Variants in MYO9B observed in about 807,000 individuals in gnomAD.
The protein encoded by MYO9B is myosin IXB, also known as unconventional myosin-IXb.
In MYO9B, 71 loss-of-function variants were observed where a neutral mutation model predicts 229.5. The ratio of observed to expected loss-of-function variants is 0.31; its 90% CI spans 0.26 to 0.38. The LOEUF (loss-of-function observed/expected upper bound fraction) is 0.38. Ranked by LOEUF, MYO9B falls within the 10% of genes least tolerant of loss-of-function variation. MYO9B has a pLI of 1.00. For missense variants in MYO9B, 2,255 were observed against 2,920.5 expected (o/e 0.77, Z 5.25); for synonymous variants, 1,185 against 1,235.8 (o/e 0.96, Z 0.86).
At chr19:17,092,382 G>T (rs796150474) in intron 1 of MYO9B, among the ~76,000 whole-genome samples, 33 of 152,360 alleles carry the variant, frequency 2.2e-4, no homozygotes, top group African/African-American at 7.9e-4. Context: ...ATGTATGTAG[G>T]CATGAACATG....
At chr19:17,196,693 A>G (rs2073046870) in intron 22 of MYO9B, among the ~76,000 whole-genome samples, 1 of 152,052 alleles carries the variant, frequency 6.6e-6, no homozygotes, top group Admixed American at 6.6e-5. Flanking sequence ...CAAAAAAAAA[A>G]AAAAAGTAGA....
intron 6 of MYO9B, 22 bp downstream of exon 6, chr19:17,154,437 G>T (rs368921305): frequency 1.8e-5 from 29 of 1,591,498 alleles, no homozygotes; most frequent in South Asian, 4.4e-5. Flanking sequence ...GGCTCCCGGG[G>T]CCTGTCCCCC....
intron 17 of MYO9B, among the ~76,000 whole-genome samples, chr19:17,185,477 C>A (rs1440419440): frequency 6.7e-6 from 1 of 149,742 alleles, no homozygotes; most frequent in Non-Finnish European, 1.5e-5. Context: ...ACCTGGGAGG[C>A]GGAGGCTGTA....
chr19:17,106,616 G>A (rs552360167), intron 2 of MYO9B, among the ~76,000 whole-genome samples: 9 of 152,328 alleles, frequency 5.9e-5, no homozygotes, highest in African/African-American at 1.7e-4. Flanking sequence ...ATCCACACCC[G>A]AGATAAAACA....
intron 1 of MYO9B, among the ~76,000 whole-genome samples, chr19:17,099,753 GCTTGCAGTGAGCCAAGATAGCGCCA>G (rs1279078758): frequency 2.0e-5 from 3 of 150,446 alleles, no homozygotes; most frequent in Non-Finnish European, 2.9e-5. Context: ...GGGAGGCGGA[GCTTGCAGTGAGCCAAGATAGCGCCA>G]CTGCAGTCCG....
rs138196320 is a variant in MYO9B, at chr19:17,100,193, G to A, written c.-58-1467G>A. On this transcript the variant is annotated intron_variant, in intron 1 of 39. Transcript: ENST00000682292. ...ATAAGAAACCTGCACTTGTAGGCCA[G>A]GCGTGGTGGCTCACCCCTCTAATCC... 1.5e-4 allele frequency among the ~76,000 whole-genome samples: 22 copies of A among 151,656 alleles called. No individual in the cohort carries two copies. The East Asian group carries it at 4.3e-3, about 29-fold the overall frequency.
chr19:17,175,623 G>A (rs762494060), intron 13 of MYO9B, 40 bp from the exon 14 acceptor site: 1 of 1,475,038 alleles, frequency 6.8e-7, no homozygotes, highest in Admixed American at 2.4e-5. Flanking sequence ...GCCTCCATAG[G>A]AGGCCATCCC....
intron 30 of MYO9B, among the ~76,000 whole-genome samples, chr19:17,204,013 C>T (rs2073135067): frequency 6.6e-6 from 1 of 152,074 alleles, no homozygotes; most frequent in African/African-American, 2.4e-5. Flanking sequence ...CTCCAGAGGC[C>T]CAGCAGGGTC....
intron 8 of MYO9B, among the ~76,000 whole-genome samples, chr19:17,161,389 A>G (rs2072600395): frequency 6.6e-6 from 1 of 152,068 alleles, no homozygotes; most frequent in Non-Finnish European, 1.5e-5. Flanking sequence ...GTTGACAGAG[A>G]CCACCTTGGC....
intron 33 of MYO9B, 50 bp from the exon 34 acceptor site, chr19:17,206,629 C>A: frequency 6.7e-7 from 1 of 1,483,316 alleles, no homozygotes; most frequent in Non-Finnish European, 9.2e-7. Context: ...GGACAACAGG[C>A]ACCTTGGGGA....
chr19:17,165,576 A>C (rs1369518083), intron 10 of MYO9B, among the ~76,000 whole-genome samples: 4 of 143,310 alleles, frequency 2.8e-5, no homozygotes, highest in African/African-American at 1.0e-4. Context: ...CCCTGTCTCT[A>C]AAAAAAAAAA....
chr19:17,140,592 G>A (rs951960350), intron 2 of MYO9B, among the ~76,000 whole-genome samples: 1 of 151,668 alleles, frequency 6.6e-6, no homozygotes, highest in Admixed American at 6.6e-5. Context: ...GGGTTCAAGC[G>A]CTTCTCCTGC....
At chr19:17,167,636 C>A (rs1021047872) in intron 10 of MYO9B, among the ~76,000 whole-genome samples, 1 of 151,808 alleles carries the variant, frequency 6.6e-6, no homozygotes, top group African/African-American at 2.4e-5. Flanking sequence ...TGTGCAACCA[C>A]GCCTGGCTAA....
In MYO9B at chr19:17,197,796, A is replaced by G; in HGVS notation, c.4051A>G (p.Arg1351Gly). The change falls in exon 23 of 40, where the codon AGG (arginine) becomes GGG (glycine). Residue 1351 changes from arginine to glycine, a missense_variant. Physicochemically the swap from Arg to Gly is moderately radical, Grantham distance 125 (BLOSUM62 -2). This residue lies in a region of MYO9B where 679 missense variants were observed against 770.2 expected (regional missense o/e 0.88). Transcript: ENST00000682292. ...TGAALTPTEERRTSFSTSDVS... is the reference protein window; with the variant it reads ...TGAALTPTEEGRTSFSTSDVS... ...CATGTTTCTGTGATCTCGCAGGGAG[A>G]GGCGCACCTCCTTCTCCACGAGCGA... 6.2e-7 allele frequency: 1 copy of G among 1,613,684 alleles called. No individual in the cohort carries two copies. Among genetic ancestry groups the G allele is most frequent in the East Asian group, 2.2e-5 (1 of 44,876 alleles).
intron 1 of MYO9B, among the ~76,000 whole-genome samples, chr19:17,079,505 C>T (rs1374991097): frequency 6.6e-6 from 1 of 152,186 alleles, no homozygotes; most frequent in African/African-American, 2.4e-5. Context: ...GATTCTCTCC[C>T]AAGAGCTACT....
chr19:17,175,824 C>CTT (rs534528766), intron 14 of MYO9B, 83 bp downstream of exon 14: 2,137 of 495,980 alleles, frequency 4.3e-3, no homozygotes, highest in South Asian at 8.2e-3. Context: ...ATGCTACATT[C>CTT]TTTTTTTTTT....
chr19:17,134,393 T>G lies in MYO9B; in HGVS notation c.841-11004T>G, dbSNP rs1409481123. Among the ~76,000 whole-genome samples the G allele has an allele frequency of 2.7e-3, 324 of 119,578 alleles. 6 individuals are homozygous for G. The highest frequency in any genetic ancestry group is 9.2e-3 in the African/African-American group (294 of 32,062). The allele number at this position is 119,578 out of a possible 152,430, so 78.4% of individuals were successfully genotyped here. A position where few individuals can be genotyped will look rare whatever the true frequency, so the allele number is the denominator to read the frequency against. On this transcript the variant is annotated intron_variant, in intron 2 of 39. Coordinates refer to ENST00000682292, the MANE Select transcript of MYO9B (RefSeq NM_004145.4). ...TTTCGTTTTGTTTGTTTTTTTTTTT[T>G]TTTTTTTTTTTTTTTTGAGACAGAC...
intron 2 of MYO9B, among the ~76,000 whole-genome samples, chr19:17,134,512 C>T (rs1181501426): frequency 6.7e-6 from 1 of 149,756 alleles, no homozygotes; most frequent in Non-Finnish European, 1.5e-5. Context: ...GTGTCTCAGC[C>T]TCCCCTGTAG....
At chr19:17,084,709 C>CAAAAAAAAA (rs903470342) in intron 1 of MYO9B, among the ~76,000 whole-genome samples, 21 of 81,020 alleles carry the variant, frequency 2.6e-4, no homozygotes, top group South Asian at 3.5e-4. Context: ...ACTAAAAATA[C>CAAAAAAAAA]AAAAAAAAAA....
Sources: gnomAD v4.1 joint callset for allele counts (sites outside exome capture counted in the v4.1 genomes callset) on GRCh38, gnomAD v4.1.1 for gene constraint, gnomAD v4.1.1 regional missense constraint, MANE v1.5 for transcripts, NCBI Gene and HGNC (gene_info 2026-07-23, HGNC 2026-07-21) for gene names.